The following YTHDC2 variants were observed in gnomAD, a reference collection of about 807,000 sequenced individuals.
The protein encoded by YTHDC2 is YTH N6-methyladenosine RNA binding protein C2, also known as 3'-5' RNA helicase YTHDC2.
A neutral mutation model predicts 174.9 loss-of-function variants in YTHDC2; 45 were observed. The observed-to-expected ratio is 0.26, with a 90% CI of 0.20 to 0.33. The LOEUF (loss-of-function observed/expected upper bound fraction) is 0.33, where lower values mean the gene tolerates loss of function less well. Among genes scored for constraint, YTHDC2 ranks in the 10% least tolerant of loss-of-function variants. The pLI, the probability that YTHDC2 is intolerant of heterozygous loss-of-function variation, is 1.00. For synonymous variants in YTHDC2, 657 were observed against 574.5 expected (o/e 1.14, Z -2.05); for missense variants, 1,650 against 1,723.7 (o/e 0.96, Z 0.76).
At chr5:113,567,070 G>T (rs1270825177) in intron 21 of YTHDC2, 22 bp from the exon 22 acceptor site, 21 of 1,600,090 alleles carry the variant, frequency 1.3e-5, no homozygotes, top group Non-Finnish European at 1.8e-5. Flanking sequence ...AGAAAAATTG[G>T]TGTGGTTTTT....
Position 113,513,815 on chromosome 5 carries a change from C to G in YTHDC2, c.-81C>G. 1 of 1,447,150 alleles carries G rather than the reference C, an allele frequency of 6.9e-7. No homozygotes were observed. The highest frequency in any genetic ancestry group is 1.4e-5 in the South Asian group (1 of 70,582). 89.6% of individuals were successfully genotyped at this position (1,447,150 alleles called of 1,614,324 possible). On this transcript the variant is annotated 5_prime_UTR_variant, in exon 1 of 30. Coordinates refer to ENST00000161863, the MANE Select transcript of YTHDC2 (RefSeq NM_022828.5). ...CTCCGGAGCTTCCCGGTAGTGGCCC[C>G]GGATTCCCACGGTCTTTGTCATTGG...
chr5:113,520,688 A>G (rs144818499), intron 2 of YTHDC2, among the ~76,000 whole-genome samples: 22 of 152,292 alleles, frequency 1.4e-4, no homozygotes, highest in African/African-American at 4.3e-4. Flanking sequence ...ACAAGGACCA[A>G]TGGTTCTTTC....
At position 113,534,287 on chromosome 5, in the gene YTHDC2, T is replaced by C. The variant is rs1487762102; in HGVS notation, c.843-18T>C. On this transcript the variant is annotated intron_variant, in intron 5 of 29. Transcript: ENST00000161863. Reference sequence around the variant, plus strand: ...AAAACTTGCAATTGTGCACTTTGTTTTGCTTTTTTTTTAAAAGGGTTTCTC... The same window carrying C: ...AAAACTTGCAATTGTGCACTTTGTTCTGCTTTTTTTTTAAAAGGGTTTCTC... 1 of 1,603,558 alleles carries C rather than the reference T, an allele frequency of 6.2e-7. No individual in the cohort carries two copies. The highest frequency in any genetic ancestry group is 2.2e-5 in the East Asian group (1 of 44,674).
In YTHDC2 at chr5:113,566,029, T is replaced by C. The variant is rs1321453170; in HGVS notation, c.2842+10T>C. On this transcript the variant is annotated intron_variant, in intron 21 of 29. Transcript: ENST00000161863. The stretch of plus-strand genomic sequence containing the variant: ...CAACTTAGAGCATCAGGTAAAGTTT[T>C]TCCCTCAAAGAGCCTATTTAAGTTA... 1 of 1,596,108 alleles carries C rather than the reference T, an allele frequency of 6.3e-7. No homozygotes were observed. The highest frequency in any genetic ancestry group is 1.4e-5 in the African/African-American group (1 of 74,006).
At chr5:113,534,732 G>A (rs984224334) in intron 6 of YTHDC2, among the ~76,000 whole-genome samples, 8 of 152,008 alleles carry the variant, frequency 5.3e-5, no homozygotes, top group African/African-American at 1.7e-4. Flanking sequence ...AAAAAAGGGA[G>A]ATTTCTTTTA....
chr5:113,578,481 G>T (rs182434252), intron 23 of YTHDC2, among the ~76,000 whole-genome samples: 578 of 152,214 alleles, frequency 3.8e-3, no homozygotes, highest in Non-Finnish European at 5.1e-3. Context: ...TTAGCCTATT[G>T]ATGTGGTATA....
At chr5:113,517,773 C>T (rs920009941) in intron 2 of YTHDC2, among the ~76,000 whole-genome samples, 1 of 152,010 alleles carries the variant, frequency 6.6e-6, no homozygotes, top group African/African-American at 2.4e-5. Context: ...TTCTTCTTTT[C>T]ACAAAAAGAA....
At chr5:113,567,404 TTA>T (rs368320106) in intron 22 of YTHDC2, 107 bp downstream of exon 22, 33,457 of 280,912 alleles carry the variant, frequency 0.12, 701 homozygotes, top group Middle Eastern at 0.18. Flanking sequence ...AATTAATTAG[TTA>T]TATATATATA....
At position 113,595,163 on chromosome 5, in the gene YTHDC2, G is replaced by T. The variant is rs1266412782; in HGVS notation, c.*1689G>T. The T allele has an allele frequency of 6.6e-6, 1 of 151,890 alleles. No individual in the cohort carries two copies. The highest frequency in any genetic ancestry group is 1.5e-5 in the Non-Finnish European group (1 of 67,962). 9.4% of individuals were successfully genotyped at this position (151,890 alleles called of 1,614,324 possible). On this transcript the variant is annotated 3_prime_UTR_variant, in exon 30 of 30. Coordinates refer to ENST00000161863, the MANE Select transcript of YTHDC2 (RefSeq NM_022828.5). ...ATTTCCATCTGTTTTGTAATATCTA[G>T]CTCTATATGTAAATGATGGGTTTGT...
chr5:113,579,960 A>G, intron 24 of YTHDC2: 1 of 978,170 alleles, frequency 1.0e-6, no homozygotes, highest in Non-Finnish European at 1.2e-6. Context: ...ATTTATAAAG[A>G]ACAGAAATTT....
chr5:113,532,964 T>C lies in YTHDC2; in HGVS notation c.761T>C (p.Ile254Thr). ...FCTQPRRLAA[I>T]AVAERVAAER... Reference sequence around the variant, plus strand: ...ACTCAACCAAGACGATTGGCAGCTATCGCTGTGGCTGAAAGAGTTGCCGCA... The same window carrying C: ...ACTCAACCAAGACGATTGGCAGCTACCGCTGTGGCTGAAAGAGTTGCCGCA... The change falls in exon 5 of 30, where the codon ATC becomes ACC. Residue 254 changes from isoleucine (I) to threonine (T), a missense_variant. Physicochemically the swap from Ile to Thr is moderately conservative, Grantham distance 89. Coordinates refer to ENST00000161863, the MANE Select transcript of YTHDC2 (RefSeq NM_022828.5). The C allele has an allele frequency of 6.2e-7, 1 of 1,614,222 alleles. No individual in the cohort carries two copies. Among genetic ancestry groups the C allele is most frequent in the East Asian group, 2.2e-5 (1 of 44,878 alleles).
At position 113,565,967 on chromosome 5, in the gene YTHDC2, G is replaced by C; in HGVS notation, c.2790G>C (p.Met930Ile). 1 of 1,613,322 alleles carries C rather than the reference G, an allele frequency of 6.2e-7. No individual in the cohort carries two copies. The highest frequency in any genetic ancestry group is 1.3e-5 in the African/African-American group (1 of 74,954). ...AGAATTTTCTTTCACAGGCTACTAT[G>C]GAAATAATCATAGGCATGAGAACAC... ...CEKNFLSQAT[M>I]EIIIGMRTQL... Residue 930 changes from methionine to isoleucine, a missense_variant, in exon 21 of 30, where the codon ATG becomes ATC. Transcript: ENST00000161863.
intron 17 of YTHDC2, among the ~76,000 whole-genome samples, chr5:113,560,707 C>G (rs983393742): frequency 6.6e-6 from 1 of 152,176 alleles, no homozygotes; most frequent in Admixed American, 6.5e-5. Flanking sequence ...TTGTATGACT[C>G]TAATCACTGG....
chr5:113,538,778 A>G (rs1040072716), intron 7 of YTHDC2, among the ~76,000 whole-genome samples: 6 of 152,148 alleles, frequency 3.9e-5, no homozygotes, highest in African/African-American at 9.6e-5. Context: ...TCCAGGGAAC[A>G]GGAAATAGCT....
chr5:113,541,965 G>A (rs984596836), intron 9 of YTHDC2, among the ~76,000 whole-genome samples: 9 of 152,062 alleles, frequency 5.9e-5, no homozygotes, highest in Non-Finnish European at 4.4e-5. Context: ...ATGGAATCTA[G>A]CACCCTACCA....
intron 16 of YTHDC2, among the ~76,000 whole-genome samples, chr5:113,554,769 T>C (rs1328533531): frequency 1.3e-5 from 2 of 151,982 alleles, no homozygotes; most frequent in Non-Finnish European, 2.9e-5. Context: ...TTTATTTCCT[T>C]TTAGTACTGG....
intron 23 of YTHDC2, among the ~76,000 whole-genome samples, chr5:113,576,011 A>T (rs984676426): frequency 6.6e-6 from 1 of 152,198 alleles, no homozygotes; most frequent in Non-Finnish European, 1.5e-5. Context: ...CTCATTTGAG[A>T]TTCAGAAAAC....
chr5:113,538,994 A>G (rs944286434), intron 7 of YTHDC2, 80 bp from the exon 8 acceptor site: 2 of 696,016 alleles, frequency 2.9e-6, no homozygotes, highest in Non-Finnish European at 4.5e-6. Context: ...ACTGAGATTC[A>G]TTAACTTGGG....
chr5:113,548,356 T>C (rs1776026003), intron 10 of YTHDC2, among the ~76,000 whole-genome samples, 185 bp from the exon 11 acceptor site: 5 of 152,178 alleles, frequency 3.3e-5, no homozygotes, highest in Admixed American at 2.6e-4. Context: ...ACTAGACATA[T>C]CATAACAGAT....
Sources: gnomAD v4.1 joint callset for allele counts (sites outside exome capture counted in the v4.1 genomes callset) on GRCh38, gnomAD v4.1.1 for gene constraint, MANE v1.5 for transcripts, NCBI Gene and HGNC (gene_info 2026-07-23, HGNC 2026-07-21) for gene names.